The following ZMYND8 variants were observed in gnomAD, a reference collection of about 807,000 sequenced individuals.
ZMYND8 encodes zinc finger MYND-type containing 8.
Under a neutral mutation model 140.8 loss-of-function variants are expected in ZMYND8, and 37 were observed. That is an observed-to-expected ratio of 0.26 (90% CI 0.20 to 0.35). The LOEUF (loss-of-function observed/expected upper bound fraction) is 0.35, where lower values mean the gene tolerates loss of function less well. ZMYND8 is among the 10% of genes least tolerant of loss of function. ZMYND8 has a pLI of 1.00. For synonymous variants in ZMYND8, 592 were observed against 597.1 expected, an observed-to-expected ratio of 0.99 and a Z score of 0.12; for missense variants, 1,068 against 1,570.0, an observed-to-expected ratio of 0.68 and a Z score of 5.40.
At chr20:47,257,510 A>T (rs946608271) in intron 12 of ZMYND8, among the ~76,000 whole-genome samples, 1 of 151,966 alleles carries the variant, frequency 6.6e-6, no homozygotes, top group Admixed American at 6.6e-5. Flanking sequence ...TATACCATAC[A>T]CACACATACA....
Position 47,224,535 on chromosome 20 carries a change from C to T in ZMYND8, c.3038G>A (p.Arg1013Gln), listed in dbSNP as rs752402411. ...HNLELTMAEM[R>Q]QSLEQERDRL... ...GTCCCGCTCCTGCTCCAGGCTCTGC[C>T]GCATCTCCGCCATGGTCAGCTCTGG... Residue 1013 changes from arginine to glutamine, a missense_variant, in exon 19 of 23, where the codon CGG (arginine) becomes CAG (glutamine). Physicochemically the swap from Arg to Gln is conservative, Grantham distance 43 (BLOSUM62 1). Transcript: ENST00000471951. The T allele has an allele frequency of 2.5e-6, 4 of 1,613,666 alleles. No homozygotes were observed. Among genetic ancestry groups the T allele is most frequent in the African/African-American group, 1.3e-5 (1 of 75,060 alleles).
At chr20:47,268,362 C>T (rs1211028911) in intron 11 of ZMYND8, among the ~76,000 whole-genome samples, 1 of 147,822 alleles carries the variant, frequency 6.8e-6, no homozygotes, top group South Asian at 2.2e-4. Context: ...GGCACAATCT[C>T]GGCTCACTGC....
intron 2 of ZMYND8, among the ~76,000 whole-genome samples, chr20:47,327,877 C>T (rs1000836575): frequency 5.3e-5 from 8 of 152,218 alleles, no homozygotes; most frequent in Middle Eastern, 3.4e-3. Context: ...TGCAGTGGTG[C>T]AATCACAGCT....
rs570685647 is a variant in ZMYND8, at chr20:47,349,984, T to C, written c.15-2058A>G. 11 of 1,516,808 alleles carry C rather than the reference T, an allele frequency of 7.3e-6. No homozygotes were observed. The African/African-American group carries it at 1.4e-4, about 19-fold the overall frequency. 94.0% of individuals were successfully genotyped at this position (1,516,808 alleles called of 1,614,324 possible). On this transcript the variant is annotated intron_variant, in intron 1 of 22. Coordinates refer to ENST00000471951, the MANE Select transcript of ZMYND8 (RefSeq NM_001281775.3). ...AGGAGCTGAATACTTCAGGCAGGAATGCTGCTGAGAGACGAGGAAAATGCA... is the reference window on the plus strand; with the variant it reads ...AGGAGCTGAATACTTCAGGCAGGAACGCTGCTGAGAGACGAGGAAAATGCA...
chr20:47,352,589 C>G, intron 1 of ZMYND8: 1 of 970,016 alleles, frequency 1.0e-6, no homozygotes, highest in Non-Finnish European at 1.2e-6. Flanking sequence ...ACGTCATTTA[C>G]TGTTACAGGT....
intron 8 of ZMYND8, 127 bp downstream of exon 8, chr20:47,287,102 G>C: frequency 1.4e-6 from 1 of 734,288 alleles, no homozygotes. Context: ...TGAAGAGTAG[G>C]GGTGTGGCCT....
intron 2 of ZMYND8, chr20:47,319,159 G>A (rs1309456924): frequency 9.2e-6 from 6 of 649,658 alleles, no homozygotes; most frequent in Non-Finnish European, 1.4e-5. Context: ...GGCGGGGCAA[G>A]GACACTGTCA....
intron 2 of ZMYND8, among the ~76,000 whole-genome samples, chr20:47,329,592 C>T (rs1173423318): frequency 2.0e-5 from 3 of 152,034 alleles, no homozygotes; most frequent in Non-Finnish European, 4.4e-5. Context: ...TTAGTAGAGG[C>T]GGGGTTTCTC....
In ZMYND8 at chr20:47,276,409, G is replaced by C; in HGVS notation, c.1385C>G (p.Thr462Arg). 1 of 1,613,124 alleles carries C rather than the reference G, an allele frequency of 6.2e-7. No homozygotes were observed. The highest frequency in any genetic ancestry group is 8.5e-7 in the Non-Finnish European group (1 of 1,179,138). ...AGCATCCTGCTCCACGTCGGAGCCCGTGTGCACAGAAGAGTTTGTGCTCAT... is the reference window on the plus strand; with the variant it reads ...AGCATCCTGCTCCACGTCGGAGCCCCTGTGCACAGAAGAGTTTGTGCTCAT... Reference protein sequence around the residue: ...SPMSTNSSVHTGSDVEQDAEK... With the variant: ...SPMSTNSSVHRGSDVEQDAEK... The change falls in exon 11 of 23, where the codon ACG (threonine) becomes AGG (arginine). Residue 462 changes from threonine to arginine, a missense_variant. Coordinates refer to ENST00000471951, the MANE Select transcript of ZMYND8 (RefSeq NM_001281775.3).
intron 14 of ZMYND8, among the ~76,000 whole-genome samples, chr20:47,240,853 CTATTT>C (rs879850088): frequency 5.3e-5 from 8 of 151,862 alleles, no homozygotes; most frequent in Non-Finnish European, 1.0e-4. Context: ...CGTGCCCGGC[CTATTT>C]TATTTTATGT....
intron 22 of ZMYND8, 87 bp from the exon 23 acceptor site, chr20:47,210,984 C>A (rs2035163043): frequency 4.6e-6 from 7 of 1,535,412 alleles, no homozygotes; most frequent in South Asian, 3.8e-5. Context: ...CCCTCCTGCA[C>A]AGGAAACCAC....
intron 11 of ZMYND8, among the ~76,000 whole-genome samples, chr20:47,271,711 C>T (rs1317911123): frequency 6.6e-6 from 1 of 152,208 alleles, no homozygotes; most frequent in African/African-American, 2.4e-5. Context: ...GATGGAGTCT[C>T]GCTCTGTCTC....
chr20:47,229,874 T>TA (rs1452546826), intron 16 of ZMYND8, 68 bp from the exon 17 acceptor site: 2 of 1,395,752 alleles, frequency 1.4e-6, no homozygotes, highest in Non-Finnish European at 2.0e-6. Flanking sequence ...GACAAATACT[T>TA]AAAATCTATC....
At chr20:47,352,144 C>T (rs1032979035) in intron 1 of ZMYND8, among the ~76,000 whole-genome samples, 1 of 152,138 alleles carries the variant, frequency 6.6e-6, no homozygotes, top group African/African-American at 2.4e-5. Flanking sequence ...AAAATGTTCC[C>T]AGGGAGCAGC....
At chr20:47,235,669 T>C (rs1317677242) in intron 16 of ZMYND8, among the ~76,000 whole-genome samples, 17 of 149,350 alleles carry the variant, frequency 1.1e-4, no homozygotes, top group Non-Finnish European at 5.9e-5. Flanking sequence ...ATTGTGTCAC[T>C]GCACTCCAGC....
chr20:47,214,912 G>A (rs1029194807), intron 21 of ZMYND8, among the ~76,000 whole-genome samples: 6 of 152,102 alleles, frequency 3.9e-5, no homozygotes, highest in Non-Finnish European at 5.9e-5. Context: ...CAATCTGGTC[G>A]TCTTTTAAGA....
At chr20:47,321,546 G>T (rs2148356351) in intron 2 of ZMYND8, among the ~76,000 whole-genome samples, 1 of 152,314 alleles carries the variant, frequency 6.6e-6, no homozygotes, top group South Asian at 2.1e-4. Flanking sequence ...TACCAGGCAG[G>T]TCTCACCATG....
chr20:47,285,438 T>C (rs1361757592), intron 8 of ZMYND8, among the ~76,000 whole-genome samples: 6 of 152,216 alleles, frequency 3.9e-5, no homozygotes, highest in Non-Finnish European at 5.9e-5. Context: ...CAAAGGAACA[T>C]ATCCAAAACA....
At chr20:47,316,667 C>T (rs1307394321) in intron 2 of ZMYND8, among the ~76,000 whole-genome samples, 17 of 151,634 alleles carry the variant, frequency 1.1e-4, no homozygotes, top group Admixed American at 9.2e-4. Context: ...TGGTGGTGTG[C>T]GCCTGTAATC....
Sources: allele counts gnomAD v4.1 joint callset (sites outside exome capture counted in the v4.1 genomes callset), GRCh38; gene constraint gnomAD v4.1.1; transcripts MANE v1.5; gene names NCBI Gene and HGNC (gene_info 2026-07-23, HGNC 2026-07-21).